The following CALB1 variants were observed in gnomAD, a reference collection of about 807,000 sequenced individuals.
CALB1 encodes calbindin.
Under a neutral mutation model 46.7 loss-of-function variants are expected in CALB1, and 16 were observed. The ratio of observed to expected loss-of-function variants is 0.34; its 90% confidence interval spans 0.23 to 0.52. The LOEUF is 0.52. Ranked by LOEUF, CALB1 falls within the 20% of genes least tolerant of loss-of-function variation. The pLI is 0.95. For missense variants in CALB1, 224 were observed against 300.3 expected, an observed-to-expected ratio of 0.75 and a Z score of 1.88; for synonymous variants, 90 against 112.8, an observed-to-expected ratio of 0.80 and a Z score of 1.28.
At chr8:90,071,522 T>C (rs1275456734) in intron 3 of CALB1, among the ~76,000 whole-genome samples, 1 of 152,100 alleles carries the variant, frequency 6.6e-6, no homozygotes, top group Non-Finnish European at 1.5e-5. Context: ...TCTTCTATAA[T>C]AATACTTTCC....
At chr8:90,061,278 G>A (rs929968611) in intron 9 of CALB1, 1 of 152,160 alleles carries the variant, frequency 6.6e-6, no homozygotes, top group Admixed American at 6.6e-5. Flanking sequence ...TGTGGGATTC[G>A]AATCAGGAGT....
At chr8:90,077,830 C>T (rs1814647371) in intron 3 of CALB1, among the ~76,000 whole-genome samples, 1 of 152,096 alleles carries the variant, frequency 6.6e-6, no homozygotes, top group African/African-American at 2.4e-5. Context: ...TATTCACTCA[C>T]TCTAGTTAAA....
chr8:90,061,334 G>A (rs1814293520), intron 9 of CALB1: 2 of 152,102 alleles, frequency 1.3e-5, no homozygotes, highest in Admixed American at 6.5e-5. Flanking sequence ...TGAAAAGAAG[G>A]AGTTATTTGT....
chr8:90,068,665 T>C (rs1301713695), intron 5 of CALB1, among the ~76,000 whole-genome samples: 20 of 152,204 alleles, frequency 1.3e-4, no homozygotes, highest in Admixed American at 1.3e-3. Context: ...AGAAAATTTA[T>C]ATATATATGT....
chr8:90,072,171 A>C (rs1193942538), intron 3 of CALB1, among the ~76,000 whole-genome samples: 2 of 151,696 alleles, frequency 1.3e-5, no homozygotes, highest in Admixed American at 6.6e-5. Flanking sequence ...TGAATACATA[A>C]AAACAGAAAA....
chr8:90,062,830 C>G (rs1187438105), intron 9 of CALB1: 2 of 308,242 alleles, frequency 6.5e-6, no homozygotes, highest in Admixed American at 9.4e-5. Flanking sequence ...AAGACAAATT[C>G]TGCATGATGC....
At chr8:90,070,746 T>G (rs573905595) in intron 3 of CALB1, among the ~76,000 whole-genome samples, 1 of 152,208 alleles carries the variant, frequency 6.6e-6, no homozygotes, top group South Asian at 2.1e-4. Flanking sequence ...TGATAATATA[T>G]CTAAAAAGTA....
chr8:90,058,749 G>GT lies in CALB1; in HGVS notation c.*1423dup, dbSNP rs1814243377. The stretch of plus-strand genomic sequence containing the variant: ...TTAGTTTTTGGCAAATCTCGTTTCT[G>GT]TTTGTTCTTGAGGGAAACATTATAG... On this transcript the variant is annotated 3_prime_UTR_variant, in exon 11 of 11. Transcript: ENST00000265431. 6.6e-6 allele frequency: 1 copy of GT among 152,134 alleles called. No homozygotes were observed. Among genetic ancestry groups the GT allele is most frequent in the South Asian group, 2.1e-4 (1 of 4,830 alleles). 9.4% of individuals were successfully genotyped at this position (152,134 alleles called of 1,614,324 possible).
intron 3 of CALB1, among the ~76,000 whole-genome samples, chr8:90,074,697 G>A (rs1256827276): frequency 6.6e-6 from 1 of 152,182 alleles, no homozygotes; most frequent in Non-Finnish European, 1.5e-5. Context: ...AGAAGAGCTT[G>A]CTTCCCTGGG....
In CALB1 at chr8:90,082,858, G is replaced by C. The variant is rs1198845835; in HGVS notation, c.-161C>G. 9 of 668,942 alleles carry C rather than the reference G, an allele frequency of 1.3e-5. No individual in the cohort carries two copies. The highest frequency in any genetic ancestry group is 2.5e-5 in the Non-Finnish European group (9 of 366,338). 41.4% of individuals were successfully genotyped at this position (668,942 alleles called of 1,614,324 possible). ...TGTCCTCGGTGCTGCTCAGCTCAGC[G>C]TTCCTCCAGAGTTCTCTCCCTACAC... On this transcript the variant is annotated 5_prime_UTR_variant, in exon 1 of 11. Coordinates refer to ENST00000265431, the MANE Select transcript of CALB1 (RefSeq NM_004929.4).
Position 90,078,465 on chromosome 8 carries a change from C to T in CALB1, c.157-18G>A. ...GATAACTCCTAAAATTATATAAAAG[C>T]AGGTAGGAGGTTTGTTAAAAAAATA... On this transcript the variant is annotated intron_variant, in intron 2 of 10. Coordinates refer to ENST00000265431, the MANE Select transcript of CALB1 (RefSeq NM_004929.4). The T allele has an allele frequency of 3.5e-6, 5 of 1,430,278 alleles. No homozygotes were observed. The highest frequency in any genetic ancestry group is 4.9e-6 in the Non-Finnish European group (5 of 1,029,026). 88.6% of individuals were successfully genotyped at this position (1,430,278 alleles called of 1,614,324 possible).
chr8:90,067,039 T>C (rs1353710108), intron 5 of CALB1, among the ~76,000 whole-genome samples: 3 of 152,108 alleles, frequency 2.0e-5, no homozygotes, highest in Admixed American at 6.6e-5. Context: ...CCACTTCAAA[T>C]CCAAAGTGAA....
intron 6 of CALB1, among the ~76,000 whole-genome samples, chr8:90,064,826 T>C (rs540671643): frequency 6.6e-6 from 1 of 151,924 alleles, no homozygotes; most frequent in South Asian, 2.1e-4. Context: ...AGCCCCACCT[T>C]ATAATAAATA....
chr8:90,073,640 T>C (rs1038217158), intron 3 of CALB1, among the ~76,000 whole-genome samples: 2 of 152,204 alleles, frequency 1.3e-5, no homozygotes, highest in Non-Finnish European at 2.9e-5. Context: ...ACTCTACCCA[T>C]AACAGGGGAC....
In CALB1 at chr8:90,065,879, T is replaced by C. The variant is rs775302667; in HGVS notation, c.450+19A>G. ...ACTTCATGAGCTCTTGGGTACAATC[T>C]TTTCAAGATCAGTCTTACCATTAGG... On this transcript the variant is annotated intron_variant, in intron 6 of 10. Transcript: ENST00000265431. 5.2e-5 allele frequency: 80 copies of C among 1,531,154 alleles called. No individual in the cohort carries two copies. Among genetic ancestry groups the C allele is most frequent in the Non-Finnish European group, 6.0e-5 (66 of 1,105,288 alleles). 94.8% of individuals were successfully genotyped at this position (1,531,154 alleles called of 1,614,324 possible).
intron 2 of CALB1, 94 bp downstream of exon 2, chr8:90,081,932 A>G (rs994426340): frequency 1.2e-5 from 13 of 1,072,650 alleles, no homozygotes; most frequent in Admixed American, 6.3e-5. Flanking sequence ...TTACCCAGAA[A>G]GCGCTTTACG....
intron 10 of CALB1, 37 bp downstream of exon 10, chr8:90,060,592 C>G (rs1351720961): frequency 4.6e-6 from 7 of 1,530,920 alleles, no homozygotes; most frequent in Non-Finnish European, 6.3e-6. Flanking sequence ...TCCACAGAGT[C>G]TGCTTAAAGA....
Position 90,082,774 on chromosome 8 carries a change from C to G in CALB1, c.-77G>C. ...GCGCGAGGGGGAGTGAGCAAAAGCT[C>G]AGCGTGTGCGCGAGTCAGGGCTGCG... On this transcript the variant is annotated 5_prime_UTR_variant, in exon 1 of 11. Transcript: ENST00000265431. The G allele has an allele frequency of 7.1e-7, 1 of 1,405,010 alleles. No homozygotes were observed. Among genetic ancestry groups the G allele is most frequent in the African/African-American group, 1.4e-5 (1 of 70,852 alleles). The allele number at this position is 1,405,010 out of a possible 1,614,324, so 87.0% of individuals were successfully genotyped here. A position where few individuals can be genotyped will look rare whatever the true frequency, so the allele number is the denominator to read the frequency against.
At chr8:90,073,180 A>C (rs1033411983) in intron 3 of CALB1, among the ~76,000 whole-genome samples, 1 of 152,228 alleles carries the variant, frequency 6.6e-6, no homozygotes, top group Admixed American at 6.5e-5. Context: ...GGCTGTAAAT[A>C]AATGGAGGTA....
Sources: gnomAD v4.1 joint callset for allele counts (sites outside exome capture counted in the v4.1 genomes callset) on GRCh38, gnomAD v4.1.1 for gene constraint, MANE v1.5 for transcripts, NCBI Gene and HGNC (gene_info 2026-07-23, HGNC 2026-07-21) for gene names.